Variants in ZNF653 observed in about 807,000 individuals in gnomAD.
ZNF653 encodes 67 kDa zinc finger protein.
In ZNF653, 37 loss-of-function variants were observed where a neutral mutation model predicts 59.9. The ratio of observed to expected loss-of-function variants is 0.62; its 90% confidence interval spans 0.48 to 0.81. ZNF653 has a LOEUF of 0.81. ZNF653 is among the 40% of genes least tolerant of loss of function. The pLI is 0.00. For missense variants in ZNF653, 808 were observed against 881.1 expected, an observed-to-expected ratio of 0.92 and a Z score of 1.05; for synonymous variants, 435 against 371.8, an observed-to-expected ratio of 1.17 and a Z score of -1.96.
rs754477862 is a variant in ZNF653, at chr19:11,484,882, T to C, written c.1571-741A>G. 2.2e-3 allele frequency among the ~76,000 whole-genome samples: 325 copies of C among 149,526 alleles called. 3 individuals carry two copies. The highest frequency in any genetic ancestry group is 1.1e-3 in the Non-Finnish European group (76 of 67,660). Reference sequence around the variant, plus strand: ...GCCTGGCTAACATGGCGAAACCCTGTCCCTACTAAAAAAAAAAAATTAGCT... The same window carrying C: ...GCCTGGCTAACATGGCGAAACCCTGCCCCTACTAAAAAAAAAAAATTAGCT... On this transcript the variant is annotated intron_variant, in intron 7 of 8. Coordinates refer to ENST00000293771, the MANE Select transcript of ZNF653 (RefSeq NM_138783.4).
At chr19:11,489,876 G>C (rs1393051580) in intron 3 of ZNF653, among the ~76,000 whole-genome samples, 4 of 152,192 alleles carry the variant, frequency 2.6e-5, no homozygotes, top group African/African-American at 7.2e-5. Flanking sequence ...TGGAAGGCTT[G>C]GCCTGGGGCC....
intron 3 of ZNF653, among the ~76,000 whole-genome samples, chr19:11,492,920 T>C (rs564854294): frequency 2.0e-5 from 3 of 152,154 alleles, no homozygotes; most frequent in Admixed American, 6.6e-5. Flanking sequence ...TAATTTTTTG[T>C]ATTTTTAGTA....
chr19:11,495,831 TGCCAGAGCCAGA>T lies in ZNF653; in HGVS notation c.559+107_559+118del. 1.8e-6 allele frequency: 2 copies of T among 1,082,250 alleles called. No homozygotes were observed. Among genetic ancestry groups the T allele is most frequent in the Non-Finnish European group, 2.7e-6 (2 of 753,430 alleles). The allele number at this position is 1,082,250 out of a possible 1,614,324, so 67.0% of individuals were successfully genotyped here. A position where few individuals can be genotyped will look rare whatever the true frequency, so the allele number is the denominator to read the frequency against. On this transcript the variant is annotated intron_variant, in intron 3 of 8. Coordinates refer to ENST00000293771, the MANE Select transcript of ZNF653 (RefSeq NM_138783.4). This position sits in a 1 kb window ranked among gnomAD's most constrained non-coding sequence, Gnocchi z 4.9. ...CCATCGTGTCCCTGCTCTGCCCCAG[TGCCAGAGCCAGA>T]GCCAGAGCCACTGTGGCTGCTATTC...
rs1322052524 is a variant in ZNF653 at position 11,487,356 on chromosome 19, C to G, written c.1107G>C (p.Glu369Asp). Residue 369 changes from glutamate to aspartate, a missense_variant, in exon 4 of 9, where the codon GAG (glutamate) becomes GAC (aspartate). Transcript: ENST00000293771. This position sits in a 1 kb window ranked among gnomAD's most constrained non-coding sequence, Gnocchi z 5.1. ...MEGVAAYTQTEPEGSQPSTMD... is the reference protein window; with the variant it reads ...MEGVAAYTQTDPEGSQPSTMD... ...TGGTGCTAGGCTGGCTACCCTCGGG[C>G]TCTGTCTGGGTGTAGGCTGCCACAC... The G allele has an allele frequency of 6.2e-7, 1 of 1,613,372 alleles. No individual in the cohort carries two copies. The highest frequency in any genetic ancestry group is 1.3e-5 in the African/African-American group (1 of 75,062).
chr19:11,494,405 A>G (rs1353109560), intron 3 of ZNF653, among the ~76,000 whole-genome samples: 1 of 150,944 alleles, frequency 6.6e-6, no homozygotes, highest in East Asian at 1.9e-4. Context: ...ATAACATAAC[A>G]TAAGGCCGGG....
In ZNF653 at chr19:11,486,891, A is replaced by T; in HGVS notation, c.1344-11T>A. On this transcript the variant is annotated splice_polypyrimidine_tract_variant and intron_variant, in intron 5 of 8. Coordinates refer to ENST00000293771, the MANE Select transcript of ZNF653 (RefSeq NM_138783.4). ...TTGCTCCGCCGCCTCCTGGAGGGGA[A>T]GGGGCCATGACATCGGGGCTCCCGC... The T allele has an allele frequency of 6.2e-7, 1 of 1,610,796 alleles. No individual in the cohort carries two copies. Among genetic ancestry groups the T allele is most frequent in the Non-Finnish European group, 8.5e-7 (1 of 1,178,520 alleles).
At chr19:11,502,485 A>G (rs1971657049) in intron 1 of ZNF653, among the ~76,000 whole-genome samples, 2 of 152,144 alleles carry the variant, frequency 1.3e-5, no homozygotes, top group Admixed American at 1.3e-4. Context: ...CCAACCTTGT[A>G]TCACAATGTG....
intron 3 of ZNF653, among the ~76,000 whole-genome samples, chr19:11,488,212 C>T (rs1223034795): frequency 3.3e-5 from 5 of 151,314 alleles, no homozygotes; most frequent in African/African-American, 4.9e-5. Context: ...TGCAGTGGCG[C>T]GATCTCTGCT....
chr19:11,499,211 G>A (rs960258252), intron 1 of ZNF653, among the ~76,000 whole-genome samples: 2 of 152,214 alleles, frequency 1.3e-5, no homozygotes, highest in Non-Finnish European at 2.9e-5. Flanking sequence ...TCAGGGAGCA[G>A]AGAAGTAACA....
At position 11,495,300 on chromosome 19, in the gene ZNF653, T is replaced by G. The variant is rs1599565509; in HGVS notation, c.559+650A>C. Among the ~76,000 whole-genome samples the G allele has an allele frequency of 6.8e-6, 1 of 147,078 alleles. No individual in the cohort carries two copies. The highest frequency in any genetic ancestry group is 2.5e-5 in the African/African-American group (1 of 39,580). On this transcript the variant is annotated intron_variant, in intron 3 of 8. Transcript: ENST00000293771. The surrounding 1 kb of genome is among the most constrained non-coding windows in gnomAD (Gnocchi z 4.9). ...AGGAGAGAGGCAGGGACCGCGAAGG[T>G]GGGGAGGGAGGAGGAGAAAGGGGAA...
In ZNF653 at chr19:11,483,677, G is replaced by C. The variant is rs778755043; in HGVS notation, c.*5C>G. 5 of 1,608,028 alleles carry C rather than the reference G, an allele frequency of 3.1e-6. No homozygotes were observed. In the African/African-American group the frequency reaches 4.0e-5, roughly 13 times the overall value. On this transcript the variant is annotated 3_prime_UTR_variant, in exon 9 of 9. Transcript: ENST00000293771. ...ATAAATAGGGGCGGTCAGTGGTCAG[G>C]TGGGTCAGGTGGGCTTGTGATCCGG...
At chr19:11,505,343 G>A (rs1971702298) in intron 1 of ZNF653, 145 bp downstream of exon 1, 3 of 832,552 alleles carry the variant, frequency 3.6e-6, no homozygotes, top group Non-Finnish European at 5.1e-6. Context: ...CGGCCAGGCA[G>A]TACGAGACCC....
At position 11,495,817 on chromosome 19, in the gene ZNF653, C is replaced by T. The variant is rs531259220; in HGVS notation, c.559+133G>A. On this transcript the variant is annotated intron_variant, in intron 3 of 8. Coordinates refer to ENST00000293771, the MANE Select transcript of ZNF653 (RefSeq NM_138783.4). This position sits in a 1 kb window ranked among gnomAD's most constrained non-coding sequence, Gnocchi z 4.9. ...GGACTCAGCCTGGCCCATCGTGTCC[C>T]TGCTCTGCCCCAGTGCCAGAGCCAG... is the stretch of plus-strand genomic sequence containing the variant. The T allele has an allele frequency of 1.1e-6, 1 of 937,992 alleles. No individual in the cohort carries two copies. Among genetic ancestry groups the T allele is most frequent in the African/African-American group, 1.6e-5 (1 of 61,066 alleles). The allele number at this position is 937,992 out of a possible 1,614,324, so 58.1% of individuals were successfully genotyped here.
At chr19:11,504,621 C>T in intron 1 of ZNF653, 7 of 951,514 alleles carry the variant, frequency 7.4e-6, no homozygotes, top group Non-Finnish European at 7.5e-6. Context: ...TCAGAATCTC[C>T]CCCCAGAGAA....
At chr19:11,505,366 CG>C (rs1568398949) in intron 1 of ZNF653, 121 bp downstream of exon 1, 3 of 1,079,728 alleles carry the variant, frequency 2.8e-6, no homozygotes, top group Non-Finnish European at 3.7e-6. Flanking sequence ...GCCGCCGGCC[CG>C]GCTCCTGGGC....
rs182275071 is a variant in ZNF653, at chr19:11,486,628, T to C, written c.1455+141A>G. 8 of 678,948 alleles carry C rather than the reference T, an allele frequency of 1.2e-5. No homozygotes were observed. In the Admixed American group the frequency reaches 1.4e-4, roughly 12 times the overall value. The allele number at this position is 678,948 out of a possible 1,614,324, so 42.1% of individuals were successfully genotyped here. On this transcript the variant is annotated intron_variant, in intron 6 of 8. Coordinates refer to ENST00000293771, the MANE Select transcript of ZNF653 (RefSeq NM_138783.4). The stretch of plus-strand genomic sequence containing the variant: ...TGTTGCATCCTCCCATGCCAGGTCC[T>C]GGGGTGTGACAAGTCCCTGTCTTTG...
chr19:11,503,945 A>G (rs1334210113), intron 1 of ZNF653, among the ~76,000 whole-genome samples: 1 of 152,148 alleles, frequency 6.6e-6, no homozygotes, highest in East Asian at 1.9e-4. Flanking sequence ...TCTCTACAAA[A>G]AATACAAAAA....
At chr19:11,483,884 G>C (rs748043256) in intron 8 of ZNF653, 25 bp from the exon 9 acceptor site, 112 of 1,549,996 alleles carry the variant, frequency 7.2e-5, no homozygotes, top group Admixed American at 1.3e-4. Context: ...TGGCGGGACG[G>C]GGCGGGGTCA....
In ZNF653 at chr19:11,486,877, C is replaced by T. The variant is rs758861545; in HGVS notation, c.1347G>A (p.Arg449=). The T allele has an allele frequency of 1.1e-5, 17 of 1,611,076 alleles. No homozygotes were observed. In the East Asian group the frequency reaches 3.6e-4, roughly 34 times the overall value. The change falls in exon 6 of 9, where the codon AGG becomes AGA. Residue 449 remains arginine (R), a synonymous_variant. Coordinates refer to ENST00000293771, the MANE Select transcript of ZNF653 (RefSeq NM_138783.4). ...TCACCCGCGACCGCTTGCTCCGCCG[C>T]CTCCTGGAGGGGAAGGGGCCATGAC... The part of the protein sequence containing the change: ...IYEIPKEPEK[R]RRSKRSRVMD...
Sources: allele counts gnomAD v4.1 joint callset (sites outside exome capture counted in the v4.1 genomes callset), GRCh38; gene constraint gnomAD v4.1.1; non-coding constraint Gnocchi (gnomAD v3.1); transcripts MANE v1.5; gene names NCBI Gene and HGNC (gene_info 2026-07-23, HGNC 2026-07-21).